The following IQCM variants were observed in gnomAD, a reference collection of about 807,000 sequenced individuals.
IQCM encodes the protein IQ motif containing M.
A neutral mutation model predicts 57.6 loss-of-function variants in IQCM; 45 were observed. The ratio of observed to expected loss-of-function variants is 0.78; its 90% CI spans 0.62 to 1.00. IQCM has a LOEUF of 1.00. Ranked by LOEUF, IQCM falls within the 50% of genes least tolerant of loss-of-function variation. The probability of loss-of-function intolerance (pLI) is 0.00; values close to 1 mark genes in which losing one functional copy is unlikely to be tolerated. For synonymous variants in IQCM, 148 were observed against 158.9 expected, an observed-to-expected ratio of 0.93 and a Z score of 0.51; for missense variants, 468 against 511.6, an observed-to-expected ratio of 0.91 and a Z score of 0.82.
intron 2 of IQCM, among the ~76,000 whole-genome samples, chr4:149,801,477 T>C (rs1773595188): frequency 6.6e-6 from 1 of 151,946 alleles, no homozygotes; most frequent in African/African-American, 2.4e-5. Context: ...ATAGCCAAGA[T>C]TTGGAAGCAA....
chr4:149,628,480 A>G (rs1756996091), intron 7 of IQCM, among the ~76,000 whole-genome samples: 1 of 152,182 alleles, frequency 6.6e-6, no homozygotes, highest in Admixed American at 6.6e-5. Flanking sequence ...TGGATTTGGC[A>G]AGCACTCCTA....
At chr4:149,467,373 C>G (rs972871259) in intron 12 of IQCM, among the ~76,000 whole-genome samples, 2 of 152,094 alleles carry the variant, frequency 1.3e-5, no homozygotes, top group Non-Finnish European at 2.9e-5. Flanking sequence ...GTAATAACAA[C>G]AAATATGTAT....
In IQCM at chr4:149,771,798, A is replaced by G. The variant is rs1289160120; in HGVS notation, c.-48-29059T>C. Among the ~76,000 whole-genome samples the G allele has an allele frequency of 2.0e-5, 3 of 152,176 alleles. No individual in the cohort carries two copies. In the East Asian group the frequency reaches 5.8e-4, roughly 29 times the overall value. ...ATTCTTGTGCTGATAATGAATTATC[A>G]TGACAATATGCTTTTACTATCTTTA... On this transcript the variant is annotated intron_variant, in intron 2 of 13. Coordinates refer to ENST00000636793, the MANE Select transcript of IQCM (RefSeq NM_001363507.2).
chr4:149,605,370 G>A (rs1754685311), intron 8 of IQCM, among the ~76,000 whole-genome samples: 1 of 152,104 alleles, frequency 6.6e-6, no homozygotes, highest in Non-Finnish European at 1.5e-5. Context: ...ATGTGGGTGG[G>A]ACTGTGATGT....
chr4:149,528,285 C>A (rs1746378656), intron 12 of IQCM, among the ~76,000 whole-genome samples: 1 of 152,092 alleles, frequency 6.6e-6, no homozygotes, highest in Non-Finnish European at 1.5e-5. Context: ...CACACCCAGC[C>A]TATCTTGATT....
At chr4:149,756,641 T>A (rs1768992337) in intron 2 of IQCM, among the ~76,000 whole-genome samples, 1 of 152,202 alleles carries the variant, frequency 6.6e-6, no homozygotes, top group Admixed American at 6.5e-5. Context: ...TTTATGTTTA[T>A]AAATTTAAAC....
At chr4:149,623,353 T>G (rs1756512303) in intron 7 of IQCM, among the ~76,000 whole-genome samples, 1 of 152,214 alleles carries the variant, frequency 6.6e-6, no homozygotes, top group Non-Finnish European at 1.5e-5. Context: ...ATGTTTTATC[T>G]TGCTTACTCA....
At chr4:149,544,705 C>G (rs1302541241) in intron 12 of IQCM, among the ~76,000 whole-genome samples, 1 of 152,028 alleles carries the variant, frequency 6.6e-6, no homozygotes, top group Non-Finnish European at 1.5e-5. Context: ...ACAAATAGAC[C>G]AATGGAATAG....
intron 12 of IQCM, among the ~76,000 whole-genome samples, chr4:149,455,786 C>T (rs528893759): frequency 6.6e-6 from 1 of 151,632 alleles, no homozygotes; most frequent in African/African-American, 2.4e-5. Context: ...GACAAAATAG[C>T]GAGACACCTG....
chr4:149,353,798 A>T (rs1426696731), intron 13 of IQCM, among the ~76,000 whole-genome samples: 3 of 152,122 alleles, frequency 2.0e-5, no homozygotes, highest in African/African-American at 7.2e-5. Flanking sequence ...GAAATGGGGG[A>T]AAGTAGCTCA....
intron 11 of IQCM, 29 bp from the exon 12 acceptor site, chr4:149,548,618 AT>A (rs953328602): frequency 7.1e-6 from 8 of 1,131,128 alleles, no homozygotes; most frequent in Admixed American, 8.5e-5. Context: ...AAAAGAAAAT[AT>A]TTTTTTAAAC....
intron 12 of IQCM, among the ~76,000 whole-genome samples, chr4:149,529,548 C>T (rs1746524877): frequency 6.6e-6 from 1 of 152,176 alleles, no homozygotes; most frequent in Non-Finnish European, 1.5e-5. Flanking sequence ...TGCTAGGCTA[C>T]AGGGATTTTG....
At chr4:149,393,531 A>C (rs972063387) in intron 13 of IQCM, among the ~76,000 whole-genome samples, 29 of 152,088 alleles carry the variant, frequency 1.9e-4, no homozygotes, top group African/African-American at 7.0e-4. Context: ...GATATATAGA[A>C]ATTCAAGATT....
intron 7 of IQCM, among the ~76,000 whole-genome samples, chr4:149,663,631 C>CT (rs138216788): frequency 0.15 from 23,227 of 151,574 alleles, 2,218 homozygotes; most frequent in South Asian, 0.34. Context: ...AGTTGGTTTT[C>CT]TTTTTTTTAG....
chr4:149,648,227 A>T (rs550259401), intron 7 of IQCM, among the ~76,000 whole-genome samples: 93 of 152,066 alleles, frequency 6.1e-4, no homozygotes, highest in African/African-American at 2.1e-3. Context: ...TATTTTTTCC[A>T]TTGGTTTTTG....
chr4:149,485,992 C>T (rs1002526430), intron 12 of IQCM, among the ~76,000 whole-genome samples: 1 of 148,134 alleles, frequency 6.8e-6, no homozygotes, highest in African/African-American at 2.5e-5. Context: ...TGTTCACTTC[C>T]CTTACTTTCT....
intron 5 of IQCM, among the ~76,000 whole-genome samples, chr4:149,721,485 T>C (rs1765445059): frequency 6.6e-6 from 1 of 152,088 alleles, no homozygotes; most frequent in African/African-American, 2.4e-5. Flanking sequence ...ATTATACCAC[T>C]CTATATGCCT....
intron 12 of IQCM, among the ~76,000 whole-genome samples, chr4:149,470,310 A>G (rs1739373154): frequency 6.6e-6 from 1 of 152,032 alleles, no homozygotes; most frequent in African/African-American, 2.4e-5. Flanking sequence ...AAAAAAAAGC[A>G]GGGGTTGCAA....
intron 5 of IQCM, among the ~76,000 whole-genome samples, chr4:149,702,252 C>T (rs145528253): frequency 4.2e-4 from 63 of 151,050 alleles, no homozygotes; most frequent in Admixed American, 1.8e-3. Flanking sequence ...ACACACCTGA[C>T]GACTTCCTTC....
Sources: gnomAD v4.1 joint callset for allele counts (sites outside exome capture counted in the v4.1 genomes callset) on GRCh38, gnomAD v4.1.1 for gene constraint, MANE v1.5 for transcripts, NCBI Gene and HGNC (gene_info 2026-07-23, HGNC 2026-07-21) for gene names.